The following WDR47 variants were observed in gnomAD, a reference collection of about 807,000 sequenced individuals.
The protein encoded by WDR47 is WD repeat-containing protein 47.
WDR47 carries 32 observed loss-of-function variants against 97.2 expected under a neutral mutation model. That is an observed-to-expected ratio of 0.33 (90% CI 0.25 to 0.44). The LOEUF is 0.44. WDR47 is among the 20% of genes least tolerant of loss of function. WDR47 has a pLI of 1.00. For missense variants in WDR47, 782 were observed against 1,102.3 expected (o/e 0.71, Z 4.11); for synonymous variants, 375 against 373.5 (o/e 1.00, Z -0.05).
chr1:109,031,649 CA>C (rs1365624956), intron 1 of WDR47, among the ~76,000 whole-genome samples: 2 of 139,038 alleles, frequency 1.4e-5, no homozygotes, highest in Non-Finnish European at 3.2e-5. Context: ...ACATAAATAA[CA>C]AATTTACATT....
chr1:108,971,995 C>T (rs1657489530), intron 14 of WDR47, among the ~76,000 whole-genome samples: 1 of 152,152 alleles, frequency 6.6e-6, no homozygotes, highest in Admixed American at 6.5e-5. Context: ...ACAATTCATA[C>T]ATATTTTATC....
Position 109,011,210 on chromosome 1 carries a change from G to A in WDR47, c.836C>T (p.Ala279Val), listed in dbSNP as rs1314040165. The A allele has an allele frequency of 1.9e-6, 3 of 1,614,006 alleles. No individual in the cohort carries two copies. The highest frequency in any genetic ancestry group is 2.5e-6 in the Non-Finnish European group (3 of 1,180,048). ...VDKLLKPTKA[A>V]YADLLTPLIS... ...AAGAGGAGTCAAAAGATCAGCATAT[G>A]CAGCTTTTGTAGGTTTCAGAAGTTT... Residue 279 changes from alanine (A) to valine (V), a missense_variant, in exon 5 of 15, where the codon GCA (alanine) becomes GTA (valine). Coordinates refer to ENST00000369962, the MANE Select transcript of WDR47 (RefSeq NM_001142551.2).
chr1:108,987,406 G>A (rs1208118423), intron 9 of WDR47, among the ~76,000 whole-genome samples: 1 of 151,868 alleles, frequency 6.6e-6, no homozygotes, highest in Non-Finnish European at 1.5e-5. Flanking sequence ...TGCCCACCAC[G>A]GCCTCTCAAA....
At chr1:108,995,465 T>A (rs1198681979) in intron 8 of WDR47, 115 bp downstream of exon 8, 11 of 1,230,262 alleles carry the variant, frequency 8.9e-6, no homozygotes, top group Non-Finnish European at 1.1e-5. Context: ...GGAAAAAAAA[T>A]TGGTAGGCAG....
chr1:109,039,437 T>C (rs1663193990), intron 1 of WDR47, among the ~76,000 whole-genome samples: 2 of 152,132 alleles, frequency 1.3e-5, no homozygotes, highest in South Asian at 4.1e-4. Flanking sequence ...TTTATATTTT[T>C]GATAAAGACA....
intron 1 of WDR47, among the ~76,000 whole-genome samples, chr1:109,040,949 C>T (rs531743135): frequency 6.6e-6 from 1 of 152,012 alleles, no homozygotes; most frequent in Non-Finnish European, 1.5e-5. Flanking sequence ...AGGATCACAA[C>T]CTACGAATCT....
intron 13 of WDR47, among the ~76,000 whole-genome samples, chr1:108,980,950 AC>A (rs2101809973): frequency 6.6e-6 from 1 of 151,634 alleles, no homozygotes; most frequent in South Asian, 2.1e-4. Flanking sequence ...ACATGGTGAA[AC>A]CCCGTCTCTA....
rs1659683229 is a variant in WDR47 at position 108,995,594 on chromosome 1, A to G, written c.1677T>C (p.Pro559=). The G allele has an allele frequency of 6.2e-7, 1 of 1,614,004 alleles. No homozygotes were observed. The highest frequency in any genetic ancestry group is 1.1e-5 in the South Asian group (1 of 91,082). The change falls in exon 8 of 15, where the codon CCT becomes CCC. Residue 559 remains proline (P), a synonymous_variant. Transcript: ENST00000369962. ...CAAGCACTTACATTTGGCTTCCACA[A>G]GGTGATTCCTCCAGAAAAGGTATGT... ...TNHIPFLEES[P]CGSQISSEHS...
intron 5 of WDR47, among the ~76,000 whole-genome samples, chr1:109,007,008 G>GCT (rs1321306946): frequency 6.6e-6 from 1 of 151,814 alleles, no homozygotes; most frequent in African/African-American, 2.4e-5. Context: ...TGCAATCAAG[G>GCT]CTCACTGCAG....
At chr1:109,037,804 T>C (rs1013852469) in intron 1 of WDR47, among the ~76,000 whole-genome samples, 2 of 152,140 alleles carry the variant, frequency 1.3e-5, no homozygotes, top group Admixed American at 6.5e-5. Flanking sequence ...CTAGTAATTA[T>C]AAATAGTATA....
chr1:109,027,802 A>AT (rs1196164596), intron 1 of WDR47, among the ~76,000 whole-genome samples: 1 of 152,142 alleles, frequency 6.6e-6, no homozygotes, highest in Non-Finnish European at 1.5e-5. Context: ...GATTACAGGC[A>AT]TGAGCCACCA....
At position 108,992,723 on chromosome 1, in the gene WDR47, A is replaced by G; in HGVS notation, c.1692-1394T>C. On this transcript the variant is annotated intron_variant, in intron 8 of 14. Transcript: ENST00000369962. ...CATGAGCTCTCCCTGCCACATTGAG[A>G]TGATCCTTACGGAAAAGGAACAGAT... 6.9e-6 allele frequency: 11 copies of G among 1,587,414 alleles called. No individual in the cohort carries two copies. In the South Asian group the frequency reaches 9.9e-5, roughly 14 times the overall value.
chr1:108,984,576 A>G (rs1277326488), intron 10 of WDR47, among the ~76,000 whole-genome samples: 1 of 152,168 alleles, frequency 6.6e-6, no homozygotes, highest in Non-Finnish European at 1.5e-5. Flanking sequence ...CTAATACCTA[A>G]AAAGTGTTTA....
chr1:109,040,066 A>G (rs1663246981), intron 1 of WDR47, among the ~76,000 whole-genome samples: 1 of 151,816 alleles, frequency 6.6e-6, no homozygotes, highest in Non-Finnish European at 1.5e-5. Context: ...AAGGTAATCA[A>G]CAGATGCCTT....
At chr1:109,023,154 C>G (rs922580902) in intron 2 of WDR47, among the ~76,000 whole-genome samples, 1 of 151,756 alleles carries the variant, frequency 6.6e-6, no homozygotes, top group Non-Finnish European at 1.5e-5. Context: ...AGTGAGCCGA[C>G]ATCTCGCCAC....
At chr1:108,992,407 A>G (rs938137917) in intron 8 of WDR47, 3 of 1,606,030 alleles carry the variant, frequency 1.9e-6, no homozygotes, top group Admixed American at 3.3e-5. Context: ...TGCATATACG[A>G]AAAGCCACGA....
In WDR47 at chr1:109,010,918, C is replaced by A; in HGVS notation, c.1128G>T (p.Glu376Asp). ...ECHSIYEESP[E>D]RDTPVDAQRP... is the part of the protein sequence containing the mutation. ...AATTTTTATAACCAAATGCTTACCG[C>A]TCAGGGGATTCTTCGTAAATACTGT... The change falls in exon 5 of 15, where the codon GAG becomes GAT. Residue 376 changes from glutamate to aspartate, a missense_variant and splice_region_variant. This residue lies in a region of WDR47 where 428 missense variants were observed against 584.3 expected (regional missense o/e 0.73). Coordinates refer to ENST00000369962, the MANE Select transcript of WDR47 (RefSeq NM_001142551.2). 1 of 1,609,180 alleles carries A rather than the reference C, an allele frequency of 6.2e-7. No homozygotes were observed. The highest frequency in any genetic ancestry group is 8.5e-7 in the Non-Finnish European group (1 of 1,176,814).
chr1:108,973,334 A>G (rs534441324), intron 14 of WDR47, among the ~76,000 whole-genome samples: 6 of 152,246 alleles, frequency 3.9e-5, no homozygotes, highest in Admixed American at 6.5e-5. Context: ...TCTCCCTACC[A>G]TACTAATTTT....
intron 5 of WDR47, among the ~76,000 whole-genome samples, chr1:109,006,204 G>T (rs1660601224): frequency 6.6e-6 from 1 of 152,074 alleles, no homozygotes; most frequent in African/African-American, 2.4e-5. Flanking sequence ...AGACGAACCT[G>T]ACCAACATGG....
Sources: allele counts gnomAD v4.1 joint callset (sites outside exome capture counted in the v4.1 genomes callset), GRCh38; gene constraint gnomAD v4.1.1; regional missense constraint gnomAD v4.1.1; transcripts MANE v1.5; gene names NCBI Gene and HGNC (gene_info 2026-07-23, HGNC 2026-07-21).